TRMT44: variants seen among roughly 807,000 people sequenced by gnomAD.
TRMT44 encodes probable tRNA (uracil-O(2)-)-methyltransferase.
A neutral mutation model predicts 77.3 loss-of-function variants in TRMT44; 78 were observed. The ratio of observed to expected loss-of-function variants is 1.01; its 90% CI spans 0.84 to 1.22. The LOEUF (loss-of-function observed/expected upper bound fraction) is 1.22, where lower values mean the gene tolerates loss of function less well. Ranked by LOEUF, TRMT44 falls within the 50% of genes most tolerant of loss-of-function variation. The pLI, the probability that TRMT44 is intolerant of heterozygous loss-of-function variation, is 0.00. For missense variants in TRMT44, 1,090 were observed against 964.4 expected (o/e 1.13, Z -1.73); for synonymous variants, 391 against 383.3 (o/e 1.02, Z -0.23).
At chr4:8,500,620 T>C in the TRMT44 span, among the ~76,000 whole-genome samples, 1 of 151,860 alleles carries the variant, frequency 6.6e-6, no homozygotes, top group Admixed American at 6.6e-5. Context: ...ATGAAGCCAG[T>C]CTTGCCACCT....
intron 6 of TRMT44, among the ~76,000 whole-genome samples, chr4:8,457,541 G>C (rs1431174332): frequency 6.6e-6 from 1 of 152,136 alleles, no homozygotes; most frequent in African/African-American, 2.4e-5. Flanking sequence ...GAGTTACAAG[G>C]ACCTTTAAGC....
chr4:8,498,543 G>C, the TRMT44 span, among the ~76,000 whole-genome samples: 2 of 151,876 alleles, frequency 1.3e-5, no homozygotes, highest in African/African-American at 4.8e-5. The surrounding 1 kb of genome is among the most constrained non-coding windows in gnomAD (Gnocchi z 4.3). Flanking sequence ...AGGAGGAAGA[G>C]AGAGAGGGGC....
chr4:8,467,771 C>T, intron 8 of TRMT44, 143 bp from the exon 9 acceptor site: 1 of 920,810 alleles, frequency 1.1e-6, no homozygotes. Context: ...CCGTACCTGG[C>T]TGGTGTCAGT....
chr4:8,504,357 G>A, the TRMT44 span, among the ~76,000 whole-genome samples: 13,482 of 152,062 alleles, frequency 0.089, 685 homozygotes, highest in Middle Eastern at 0.12. The surrounding 1 kb of genome is among the most constrained non-coding windows in gnomAD (Gnocchi z 5.3). Context: ...AGGTACCCGC[G>A]CCAGCTTTAC....
chr4:8,498,559 T>A, the TRMT44 span, among the ~76,000 whole-genome samples: 2 of 152,076 alleles, frequency 1.3e-5, no homozygotes, highest in Non-Finnish European at 2.9e-5. This position sits in a 1 kb window ranked among gnomAD's most constrained non-coding sequence, Gnocchi z 4.3. Flanking sequence ...GGGGCAGCGA[T>A]TTTCTTTCTC....
intron 6 of TRMT44, among the ~76,000 whole-genome samples, chr4:8,458,459 C>CTTT (rs1156752172): frequency 0.012 from 1,696 of 141,938 alleles, 12 homozygotes; most frequent in African/African-American, 0.026. Context: ...ATTTTCTTTT[C>CTTT]TTTTCTTTTT....
At chr4:8,479,186 AGAG>A (rs1727534556), downstream of TRMT44, 2 of 152,100 alleles carry the variant, frequency 1.3e-5, no homozygotes, top group East Asian at 1.9e-4. Flanking sequence ...AGAGAGTCCC[AGAG>A]GAGAAGCTGA....
At chr4:8,492,986 T>A (rs1247487922) in intron 2 of TRMT44, among the ~76,000 whole-genome samples, 4 of 152,180 alleles carry the variant, frequency 2.6e-5, no homozygotes, top group Non-Finnish European at 5.9e-5. Context: ...CGGGCACACA[T>A]CCTTAACTTT....
Position 8,451,886 on chromosome 4 carries a change from A to G in TRMT44, c.955-74A>G. The G allele has an allele frequency of 7.6e-7, 1 of 1,318,640 alleles. No individual in the cohort carries two copies. Among genetic ancestry groups the G allele is most frequent in the Admixed American group, 2.0e-5 (1 of 50,672 alleles). 81.7% of individuals were successfully genotyped at this position (1,318,640 alleles called of 1,614,324 possible). On this transcript the variant is annotated intron_variant, in intron 3 of 10. Transcript: ENST00000389737. This position sits in a 1 kb window ranked among gnomAD's most constrained non-coding sequence, Gnocchi z 4.1. ...TAGTCCAGTTTGATTTATGCTTTATAGGGATACTTAAAGTATTGGGAAATG... is the reference window on the plus strand; with the variant it reads ...TAGTCCAGTTTGATTTATGCTTTATGGGGATACTTAAAGTATTGGGAAATG...
the TRMT44 span, among the ~76,000 whole-genome samples, chr4:8,502,789 A>T: frequency 7.2e-5 from 11 of 152,208 alleles, no homozygotes; most frequent in African/African-American, 2.7e-4. Context: ...GGTGAGACGC[A>T]GGTCCCAGGT....
intron 2 of TRMT44, among the ~76,000 whole-genome samples, chr4:8,447,684 C>G (rs1372337595): frequency 6.6e-6 from 1 of 152,188 alleles, no homozygotes; most frequent in African/African-American, 2.4e-5. Flanking sequence ...AAGGGGTGCT[C>G]AGGCCCTGTA....
At chr4:8,454,147 T>G (rs1451513364) in intron 5 of TRMT44, among the ~76,000 whole-genome samples, 1 of 152,080 alleles carries the variant, frequency 6.6e-6, no homozygotes, top group Non-Finnish European at 1.5e-5. Flanking sequence ...CAGCTGACCT[T>G]GACTGAGAGC....
intron 2 of TRMT44, among the ~76,000 whole-genome samples, chr4:8,492,362 C>T (rs57845616): frequency 0.12 from 17,534 of 152,164 alleles, 1,417 homozygotes; most frequent in African/African-American, 0.22. Flanking sequence ...CTGGCCATGA[C>T]CGCCGTGGTG....
chr4:8,472,306 G>C (rs1446165892), intron 10 of TRMT44, among the ~76,000 whole-genome samples: 3 of 152,150 alleles, frequency 2.0e-5, no homozygotes, highest in Non-Finnish European at 4.4e-5. Flanking sequence ...TTTGCAAAGA[G>C]CCAGGGTTGG....
the TRMT44 span, among the ~76,000 whole-genome samples, chr4:8,514,478 T>G: frequency 6.6e-6 from 1 of 152,006 alleles, no homozygotes; most frequent in Non-Finnish European, 1.5e-5. Context: ...GGTTTCACCA[T>G]GTTGGCCAGG....
At position 8,467,911 on chromosome 4, in the gene TRMT44, C is replaced by T; in HGVS notation, c.1495-3C>T. ...ATACTTGCTTTGCTTTCTTCAAACG[C>T]AGGTCTGTCTCGTTGGAAAATCCAG... On this transcript the variant is annotated splice_region_variant and splice_polypyrimidine_tract_variant and intron_variant, in intron 8 of 10. Coordinates refer to ENST00000389737, the MANE Select transcript of TRMT44 (RefSeq NM_152544.3). The T allele has an allele frequency of 6.3e-7, 1 of 1,589,884 alleles. No homozygotes were observed. Among genetic ancestry groups the T allele is most frequent in the Non-Finnish European group, 8.6e-7 (1 of 1,164,858 alleles).
At position 8,446,399 on chromosome 4, in the gene TRMT44, C is replaced by T. The variant is rs1251033886; in HGVS notation, c.620-77C>T. On this transcript the variant is annotated intron_variant, in intron 1 of 10. Coordinates refer to ENST00000389737, the MANE Select transcript of TRMT44 (RefSeq NM_152544.3). This position sits in a 1 kb window ranked among gnomAD's most constrained non-coding sequence, Gnocchi z 4.3. Reference sequence around the variant, plus strand: ...ATTGAAAGCATCGTGCTTGACTCATCCCTATTTTTAATACTGCTTCTGATG... The same window carrying T: ...ATTGAAAGCATCGTGCTTGACTCATTCCTATTTTTAATACTGCTTCTGATG... 3 of 902,736 alleles carry T rather than the reference C, an allele frequency of 3.3e-6. No homozygotes were observed. Among genetic ancestry groups the T allele is most frequent in the Non-Finnish European group, 5.2e-6 (3 of 580,566 alleles). The allele number at this position is 902,736 out of a possible 1,614,324, so 55.9% of individuals were successfully genotyped here.
chr4:8,463,542 T>C (rs2109144926), intron 6 of TRMT44, among the ~76,000 whole-genome samples: 1 of 152,348 alleles, frequency 6.6e-6, no homozygotes, highest in East Asian at 1.9e-4. Context: ...TTGAAAGGCC[T>C]GTGAGGTTAG....
chr4:8,449,950 T>TTTTATTTTC, intron 3 of TRMT44, 62 bp downstream of exon 3: 5 of 174,110 alleles, frequency 2.9e-5, no homozygotes, highest in South Asian at 9.1e-5. Context: ...TTTTCTTTTC[T>TTTTATTTTC]TTTTTTTTTT....
Sources: gnomAD v4.1 joint callset for allele counts (sites outside exome capture counted in the v4.1 genomes callset) on GRCh38, gnomAD v4.1.1 for gene constraint, Gnocchi (gnomAD v3.1) non-coding constraint, MANE v1.5 for transcripts, NCBI Gene and HGNC (gene_info 2026-07-23, HGNC 2026-07-21) for gene names.